Variants in OTUD7A observed in about 807,000 individuals in gnomAD.
The protein encoded by OTUD7A is OTU deubiquitinase 7A.
In OTUD7A, 12 loss-of-function variants were observed where a neutral mutation model predicts 65.7. That is an observed-to-expected ratio of 0.18 (90% CI 0.12 to 0.30). The LOEUF (loss-of-function observed/expected upper bound fraction) is 0.30. Among genes scored for constraint, OTUD7A ranks in the 10% least tolerant of loss-of-function variants. The probability of loss-of-function intolerance (pLI) is 1.00; values close to 1 mark genes in which losing one functional copy is unlikely to be tolerated. For synonymous variants in OTUD7A, 641 were observed against 586.3 expected, an observed-to-expected ratio of 1.09 and a Z score of -1.35; for missense variants, 1,148 against 1,304.8, an observed-to-expected ratio of 0.88 and a Z score of 1.85.
intron 5 of OTUD7A, among the ~76,000 whole-genome samples, chr15:31,531,504 C>A (rs1195845704): frequency 4.8e-5 from 4 of 84,112 alleles, no homozygotes; most frequent in Non-Finnish European, 9.1e-5. Context: ...AAAAACGAAC[C>A]AATGAGAGTA....
At chr15:31,506,288 C>T (rs2041565432) in intron 8 of OTUD7A, among the ~76,000 whole-genome samples, 1 of 151,574 alleles carries the variant, frequency 6.6e-6, no homozygotes, top group Non-Finnish European at 1.5e-5. Context: ...AATTGCTTAG[C>T]TATTTTTTTG....
chr15:31,585,795 T>G (rs981463675), intron 3 of OTUD7A, among the ~76,000 whole-genome samples: 17 of 152,302 alleles, frequency 1.1e-4, no homozygotes, highest in African/African-American at 4.1e-4. Context: ...GACCACTATT[T>G]GAGCTTGGAG....
rs35140064 is a variant in OTUD7A, at chr15:31,555,126, G to A, written c.550+3843C>T. 2.9e-3 allele frequency among the ~76,000 whole-genome samples: 444 copies of A among 152,276 alleles called. 3 individuals carry two copies. The highest frequency in any genetic ancestry group is 4.5e-3 in the Non-Finnish European group (309 of 68,028). On this transcript the variant is annotated intron_variant, in intron 5 of 12. Transcript: ENST00000307050. ...ATACCACGCAGGGCCCCAGGAGAGT[G>A]GAATCAGGCCCCAGGATGGACAGCT... is the stretch of plus-strand genomic sequence containing the variant.
At chr15:31,796,881 T>G (rs150779025) in intron 1 of OTUD7A, among the ~76,000 whole-genome samples, 5 of 152,146 alleles carry the variant, frequency 3.3e-5, no homozygotes, top group Non-Finnish European at 7.4e-5. Flanking sequence ...ATTACAGGCA[T>G]GCACCACCAT....
chr15:31,860,008 CAT>C lies in OTUD7A; in HGVS notation c.-100+10497_-100+10498del, dbSNP rs376507295. 2.7e-3 allele frequency among the ~76,000 whole-genome samples: 416 copies of C among 152,292 alleles called. 2 individuals carry two copies. Among genetic ancestry groups the C allele is most frequent in the African/African-American group, 8.7e-3 (363 of 41,566 alleles). On this transcript the variant is annotated intron_variant, in intron 1 of 12. Coordinates refer to ENST00000307050, the MANE Select transcript of OTUD7A (RefSeq NM_001382637.1). Reference sequence around the variant, plus strand: ...TGTAATCAATTATCTTAATCGATCACATGTCTTTTCTTCCATTATGAATTTTC... The same window carrying C: ...TGTAATCAATTATCTTAATCGATCACGTCTTTTCTTCCATTATGAATTTTC...
intron 3 of OTUD7A, among the ~76,000 whole-genome samples, chr15:31,638,384 T>TG (rs1480384129): frequency 6.7e-6 from 1 of 150,340 alleles, no homozygotes; most frequent in Non-Finnish European, 1.5e-5. Context: ...ATAACTTTTT[T>TG]TTTTTTTTTT....
At chr15:31,628,277 T>C (rs888729750) in intron 3 of OTUD7A, among the ~76,000 whole-genome samples, 9 of 152,238 alleles carry the variant, frequency 5.9e-5, no homozygotes, top group African/African-American at 2.2e-4. Flanking sequence ...GTAAAGGGTG[T>C]AAAGAAGGGA....
chr15:31,484,975 C>T lies in OTUD7A; in HGVS notation c.1372-251G>A, dbSNP rs1347028065. 1.3e-5 allele frequency among the ~76,000 whole-genome samples: 2 copies of T among 152,176 alleles called. No homozygotes were observed. Among genetic ancestry groups the T allele is most frequent in the South Asian group, 2.1e-4 (1 of 4,826 alleles). ...CTCTTAACTGCGTGTGTCTTCTGGC[C>T]AGGGAAGCTGGGGTGTACTCATTCT... On this transcript the variant is annotated intron_variant, in intron 12 of 12. Transcript: ENST00000307050. The surrounding 1 kb of genome is among the most constrained non-coding windows in gnomAD (Gnocchi z 4.5).
At chr15:31,626,883 GT>G (rs71113403) in intron 3 of OTUD7A, among the ~76,000 whole-genome samples, 37,358 of 146,196 alleles carry the variant, frequency 0.26, 5,139 homozygotes, top group African/African-American at 0.36. Context: ...GCCTATATTT[GT>G]TTTTTTTTTG....
intron 1 of OTUD7A, among the ~76,000 whole-genome samples, chr15:31,802,809 A>G (rs1336313520): frequency 6.6e-6 from 1 of 152,202 alleles, no homozygotes; most frequent in African/African-American, 2.4e-5. Flanking sequence ...GGCAATTACC[A>G]TCTCTTTGAT....
In OTUD7A at chr15:31,654,069, G is replaced by A. The variant is rs867769581; in HGVS notation, c.151+1027C>T. Among the ~76,000 whole-genome samples the A allele has an allele frequency of 2.6e-3, 238 of 92,554 alleles. 2 individuals are homozygous for A. Among genetic ancestry groups the A allele is most frequent in the African/African-American group, 1.0e-2 (231 of 23,126 alleles). 60.7% of individuals were successfully genotyped at this position (92,554 alleles called of 152,430 possible). On this transcript the variant is annotated intron_variant, in intron 3 of 12. Coordinates refer to ENST00000307050, the MANE Select transcript of OTUD7A (RefSeq NM_001382637.1). ...AGTGGCTGAATCTGAACTCAAACTCGGATTTCACTGCCGACCTTATTCCAA... is the reference window on the plus strand; with the variant it reads ...AGTGGCTGAATCTGAACTCAAACTCAGATTTCACTGCCGACCTTATTCCAA...
At chr15:31,517,728 A>G (rs1179771595) in intron 8 of OTUD7A, among the ~76,000 whole-genome samples, 2 of 152,138 alleles carry the variant, frequency 1.3e-5, no homozygotes, top group Non-Finnish European at 2.9e-5. Flanking sequence ...ACCCTGAGAA[A>G]GATGGGGGTG....
At chr15:31,558,806 G>T in intron 5 of OTUD7A, 163 bp downstream of exon 5, 1 of 744,640 alleles carries the variant, frequency 1.3e-6, no homozygotes, top group African/African-American at 1.7e-5. Context: ...CTAGAACACT[G>T]TCGGCCCGTA....
intron 3 of OTUD7A, among the ~76,000 whole-genome samples, chr15:31,597,001 T>G (rs1006021963): frequency 6.6e-6 from 1 of 152,198 alleles, no homozygotes; most frequent in Non-Finnish European, 1.5e-5. Flanking sequence ...CTTAGCTCAC[T>G]GAAACCTCTG....
At chr15:31,601,918 C>A (rs1013159288) in intron 3 of OTUD7A, among the ~76,000 whole-genome samples, 2 of 152,046 alleles carry the variant, frequency 1.3e-5, no homozygotes, top group African/African-American at 4.8e-5. Flanking sequence ...AAGTCAAATC[C>A]CTGAATAGAC....
rs1387221061 is a variant in OTUD7A at position 31,498,553 on chromosome 15, A to G, written c.1171+3137T>C. On this transcript the variant is annotated intron_variant, in intron 10 of 12. Coordinates refer to ENST00000307050, the MANE Select transcript of OTUD7A (RefSeq NM_001382637.1). This position sits in a 1 kb window ranked among gnomAD's most constrained non-coding sequence, Gnocchi z 4.2. ...CTCCTGTTAATTGATTTGATTTTTC[A>G]TAATGTACACATTTGCTCAGTGGCC... 6.6e-6 allele frequency among the ~76,000 whole-genome samples: 1 copy of G among 152,150 alleles called. No individual in the cohort carries two copies. Among genetic ancestry groups the G allele is most frequent in the Admixed American group, 6.5e-5 (1 of 15,280 alleles).
chr15:31,597,099 T>C (rs1889927836), intron 3 of OTUD7A, among the ~76,000 whole-genome samples: 1 of 129,232 alleles, frequency 7.7e-6, no homozygotes, highest in African/African-American at 3.9e-5. Flanking sequence ...TAGTTTTTTT[T>C]CTTTTTTTTG....
intron 6 of OTUD7A, among the ~76,000 whole-genome samples, chr15:31,529,341 C>T (rs2042056230): frequency 2.0e-5 from 3 of 152,142 alleles, no homozygotes; most frequent in Admixed American, 1.3e-4. Context: ...TGAAGGATAA[C>T]AGCAGGGAAA....
At position 31,634,227 on chromosome 15, in the gene OTUD7A, C is replaced by T. The variant is rs528440948; in HGVS notation, c.151+20869G>A. Among the ~76,000 whole-genome samples the T allele has an allele frequency of 5.3e-5, 8 of 152,322 alleles. No homozygotes were observed. In the South Asian group the frequency reaches 1.7e-3, roughly 32 times the overall value. ...CCCCTGGAGCCCCGTCAGGGCAGGG[C>T]TGGACTTCACAGCCACTCTACAGAG... On this transcript the variant is annotated intron_variant, in intron 3 of 12. Transcript: ENST00000307050.
Sources: gnomAD v4.1 joint callset for allele counts (sites outside exome capture counted in the v4.1 genomes callset) on GRCh38, gnomAD v4.1.1 for gene constraint, Gnocchi (gnomAD v3.1) non-coding constraint, MANE v1.5 for transcripts, NCBI Gene and HGNC (gene_info 2026-07-23, HGNC 2026-07-21) for gene names.